Variants in IL6R observed in about 807,000 individuals in gnomAD.
The protein encoded by IL6R is interleukin-6 receptor subunit alpha.
Under a neutral mutation model 48.3 loss-of-function variants are expected in IL6R, and 38 were observed. The ratio of observed to expected loss-of-function variants is 0.79; its 90% CI spans 0.61 to 1.03. The LOEUF (loss-of-function observed/expected upper bound fraction) is 1.03, where lower values mean the gene tolerates loss of function less well. IL6R is among the 50% of genes least tolerant of loss of function. The pLI is 0.00. For synonymous variants in IL6R, 264 were observed against 256.2 expected (o/e 1.03, Z -0.29); for missense variants, 534 against 618.3 (o/e 0.86, Z 1.45).
rs369690890 is a variant in IL6R at position 154,434,987 on chromosome 1, C to T, written c.641-3C>T. ...AAAGGAGTCATGCTCACTTTTCCCA[C>T]AGTGCAGCCTGATCCGCCTGCCAAC... On this transcript the variant is annotated splice_region_variant and splice_polypyrimidine_tract_variant and intron_variant, in intron 4 of 9. Coordinates refer to ENST00000368485, the MANE Select transcript of IL6R (RefSeq NM_000565.4). 19 of 1,613,606 alleles carry T rather than the reference C, an allele frequency of 1.2e-5. No individual in the cohort carries two copies. The African/African-American group carries it at 2.5e-4, about 22-fold the overall frequency.
At chr1:154,429,645 A>T (rs1006573877) in intron 2 of IL6R, among the ~76,000 whole-genome samples, 1 of 152,056 alleles carries the variant, frequency 6.6e-6, no homozygotes, top group Admixed American at 6.6e-5. Context: ...ACTGGTGGGG[A>T]ACATTGGCTT....
intron 9 of IL6R, among the ~76,000 whole-genome samples, chr1:154,458,826 G>A (rs552080212): frequency 4.6e-5 from 7 of 151,736 alleles, no homozygotes; most frequent in Non-Finnish European, 7.4e-5. Context: ...GCTTGAACCC[G>A]GGAGGCAGAG....
intron 9 of IL6R, among the ~76,000 whole-genome samples, chr1:154,455,718 C>T (rs1690839431): frequency 6.6e-6 from 1 of 151,206 alleles, no homozygotes; most frequent in Admixed American, 6.6e-5. Flanking sequence ...TCCCAAAGTG[C>T]TGGGATTACA....
intron 1 of IL6R, among the ~76,000 whole-genome samples, chr1:154,426,453 T>C (rs182194569): frequency 6.7e-6 from 1 of 149,482 alleles, no homozygotes; most frequent in African/African-American, 2.5e-5. Flanking sequence ...CCCAGGAGGT[T>C]GAGGATGCAG....
Position 154,436,035 on chromosome 1 carries a change from C to T in IL6R, c.874C>T (p.Leu292Phe). Residue 292 changes from leucine (L) to phenylalanine (F), a missense_variant, in exon 6 of 10, where the codon CTT (leucine) becomes TTT (phenylalanine). Coordinates refer to ENST00000368485, the MANE Select transcript of IL6R (RefSeq NM_000565.4). ...AWSGLRHVVQ[L>F]RAQEEFGQGE... ...GAGCGGCCTGAGGCACGTGGTGCAG[C>T]TTCGTGCCCAGGAGGAGTTCGGGCA... The T allele has an allele frequency of 6.2e-7, 1 of 1,613,210 alleles. No individual in the cohort carries two copies. The highest frequency in any genetic ancestry group is 8.5e-7 in the Non-Finnish European group (1 of 1,179,572).
chr1:154,435,464 A>G (rs573581274), intron 5 of IL6R, among the ~76,000 whole-genome samples: 1 of 151,528 alleles, frequency 6.6e-6, no homozygotes, highest in South Asian at 2.1e-4. Context: ...AGCAGAGATC[A>G]CACCACTGCA....
At chr1:154,418,780 C>T (rs926021494) in intron 1 of IL6R, among the ~76,000 whole-genome samples, 7 of 152,092 alleles carry the variant, frequency 4.6e-5, no homozygotes, top group Admixed American at 2.0e-4. Context: ...ATCCTATACA[C>T]GCTGCGGCTG....
chr1:154,440,796 G>T (rs1038317036), intron 6 of IL6R, among the ~76,000 whole-genome samples: 1 of 151,850 alleles, frequency 6.6e-6, no homozygotes, highest in African/African-American at 2.4e-5. Context: ...GTTGAGATTG[G>T]CATGCACCAC....
In IL6R at chr1:154,415,040, C is replaced by A. The variant is rs1688254444; in HGVS notation, c.85+9326C>A. On this transcript the variant is annotated intron_variant, in intron 1 of 9. Transcript: ENST00000368485. ...TCCCTGTGGTTGGCAAGAAGTTGAGCTCCAGAAGAACTAGCTTGAGGCAGC... is the reference window on the plus strand; with the variant it reads ...TCCCTGTGGTTGGCAAGAAGTTGAGATCCAGAAGAACTAGCTTGAGGCAGC... The A allele has an allele frequency of 5.9e-6, 9 of 1,522,420 alleles. No homozygotes were observed. In the South Asian group the frequency reaches 1.1e-4, roughly 18 times the overall value. The allele number at this position is 1,522,420 out of a possible 1,614,324, so 94.3% of individuals were successfully genotyped here.
chr1:154,434,646 A>G lies in IL6R; in HGVS notation c.586A>G (p.Ser196Gly), dbSNP rs1324877219. Residue 196 changes from serine (S) to glycine (G), a missense_variant, in exon 4 of 10, where the codon AGT becomes GGT. Ser to Gly is a moderately conservative substitution (Grantham distance 56). Coordinates refer to ENST00000368485, the MANE Select transcript of IL6R (RefSeq NM_000565.4). Reference protein sequence around the residue: ...SFYIVSMCVASSVGSKFSKTQ... With the variant: ...SFYIVSMCVAGSVGSKFSKTQ... ...CTACATAGTGTCCATGTGCGTCGCC[A>G]GTAGTGTCGGGAGCAAGTTCAGCAA... 1 of 1,614,080 alleles carries G rather than the reference A, an allele frequency of 6.2e-7. No individual in the cohort carries two copies. Among genetic ancestry groups the G allele is most frequent in the Middle Eastern group, 1.6e-4 (1 of 6,084 alleles).
Position 154,405,529 on chromosome 1 carries a change from G to GACCC in IL6R, c.-101_-100insACCC. 7 of 388,508 alleles carry GACCC rather than the reference G, an allele frequency of 1.8e-5. No individual in the cohort carries two copies. The highest frequency in any genetic ancestry group is 4.9e-5 in the South Asian group (2 of 40,874). 24.1% of individuals were successfully genotyped at this position (388,508 alleles called of 1,614,324 possible). Reference sequence around the variant, plus strand: ...CTGCCCCCGGGGCCTGAGCCCGCCTGCCCGCCCACCGCCCCGCCCCGCCCC... The same window carrying GACCC: ...CTGCCCCCGGGGCCTGAGCCCGCCTGACCCCCCGCCCACCGCCCCGCCCCGCCCC... On this transcript the variant is annotated 5_prime_UTR_variant, in exon 1 of 10. Transcript: ENST00000368485. The surrounding 1 kb of genome is among the most constrained non-coding windows in gnomAD (Gnocchi z 5.2).
chr1:154,426,895 G>C (rs1383013210), intron 1 of IL6R, among the ~76,000 whole-genome samples: 1 of 151,850 alleles, frequency 6.6e-6, no homozygotes, highest in East Asian at 1.9e-4. Flanking sequence ...GCCCTCAGTG[G>C]ACTTCACCTT....
intron 6 of IL6R, among the ~76,000 whole-genome samples, chr1:154,440,002 AAGCAATTCTCC>A (rs1170749542): frequency 6.6e-6 from 1 of 151,934 alleles, no homozygotes; most frequent in Non-Finnish European, 1.5e-5. Flanking sequence ...TCCCGGGTTC[AAGCAATTCTCC>A]AGCCTTAGCC....
At chr1:154,431,473 G>A (rs1439612262) in intron 3 of IL6R, among the ~76,000 whole-genome samples, 1 of 152,158 alleles carries the variant, frequency 6.6e-6, no homozygotes, top group Non-Finnish European at 1.5e-5. Context: ...ATGTACTTAT[G>A]ATAGTTTAAT....
At chr1:154,460,736 T>C (rs1691205488) in intron 9 of IL6R, among the ~76,000 whole-genome samples, 1 of 152,128 alleles carries the variant, frequency 6.6e-6, no homozygotes, top group Non-Finnish European at 1.5e-5. Flanking sequence ...AGACACCAGG[T>C]TGCAGCAGAG....
At chr1:154,425,622 T>C (rs1270773618) in intron 1 of IL6R, among the ~76,000 whole-genome samples, 6 of 139,392 alleles carry the variant, frequency 4.3e-5, no homozygotes, top group Non-Finnish European at 7.7e-5. Flanking sequence ...AAAAAAAAAA[T>C]ATACAGCCAG....
In IL6R at chr1:154,448,190, A is replaced by T; in HGVS notation, c.996+19A>T. The T allele has an allele frequency of 1.2e-6, 2 of 1,608,124 alleles. No homozygotes were observed. Among genetic ancestry groups the T allele is most frequent in the South Asian group, 2.2e-5 (2 of 90,900 alleles). ...CATGCAGGTGAGCTCCTGTTCTTGT[A>T]AAAGGGTCAGGGCTGCAGCACCTCG... On this transcript the variant is annotated intron_variant, in intron 7 of 9. Coordinates refer to ENST00000368485, the MANE Select transcript of IL6R (RefSeq NM_000565.4).
At chr1:154,439,502 A>G (rs1189956088) in intron 6 of IL6R, among the ~76,000 whole-genome samples, 1 of 151,976 alleles carries the variant, frequency 6.6e-6, no homozygotes, top group African/African-American at 2.4e-5. Flanking sequence ...TTTAGTGGAG[A>G]TGGGGTTTCA....
At position 154,465,701 on chromosome 1, in the gene IL6R, C is replaced by T; in HGVS notation, c.*321C>T. On this transcript the variant is annotated 3_prime_UTR_variant, in exon 10 of 10. Transcript: ENST00000368485. ...AAAAGCTGGGCAGGTTGGTGGGGGCCTCGGTGTGGAGAAGCGGCTGGCAGC... is the reference window on the plus strand; with the variant it reads ...AAAAGCTGGGCAGGTTGGTGGGGGCTTCGGTGTGGAGAAGCGGCTGGCAGC... 3.0e-6 allele frequency: 1 copy of T among 330,360 alleles called. No homozygotes were observed. The highest frequency in any genetic ancestry group is 4.3e-5 in the Admixed American group (1 of 23,088). The allele number at this position is 330,360 out of a possible 1,614,324, so 20.5% of individuals were successfully genotyped here. A position where few individuals can be genotyped will look rare whatever the true frequency, so the allele number is the denominator to read the frequency against.
Sources: gnomAD v4.1 joint callset for allele counts (sites outside exome capture counted in the v4.1 genomes callset) on GRCh38, gnomAD v4.1.1 for gene constraint, Gnocchi (gnomAD v3.1) non-coding constraint, MANE v1.5 for transcripts, NCBI Gene and HGNC (gene_info 2026-07-23, HGNC 2026-07-21) for gene names.